Variants in GRM5 observed in about 807,000 individuals in gnomAD.
The protein encoded by GRM5 is metabotropic glutamate receptor 5.
GRM5 carries 19 observed loss-of-function variants against 83.1 expected under a neutral mutation model. That is an observed-to-expected ratio of 0.23 (90% CI 0.16 to 0.34). The LOEUF (loss-of-function observed/expected upper bound fraction) is 0.34. Ranked by LOEUF, GRM5 falls within the 10% of genes least tolerant of loss-of-function variation. GRM5 has a pLI of 1.00. For missense variants in GRM5, 1,160 were observed against 1,588.3 expected, an observed-to-expected ratio of 0.73 and a Z score of 4.58; for synonymous variants, 675 against 633.6, an observed-to-expected ratio of 1.07 and a Z score of -0.98.
intron 3 of GRM5, among the ~76,000 whole-genome samples, chr11:88,804,332 T>C (rs1943458854): frequency 6.8e-6 from 1 of 148,094 alleles, no homozygotes; most frequent in Non-Finnish European, 1.5e-5. Flanking sequence ...GTGGCACATA[T>C]ACACCATGGA....
intron 6 of GRM5, among the ~76,000 whole-genome samples, chr11:88,592,113 G>T (rs574097363): frequency 9.8e-5 from 15 of 152,316 alleles, no homozygotes; most frequent in Non-Finnish European, 1.8e-4. Flanking sequence ...GAAAGACGCA[G>T]GGGAAAGAGC....
intron 2 of GRM5, among the ~76,000 whole-genome samples, chr11:88,925,287 G>C (rs962286984): frequency 7.9e-5 from 12 of 151,656 alleles, no homozygotes; most frequent in Non-Finnish European, 2.9e-5. Flanking sequence ...TTTCAGAGTT[G>C]AGGAAAAGAT....
chr11:88,572,456 A>T (rs1470810544), intron 7 of GRM5, among the ~76,000 whole-genome samples: 8 of 152,158 alleles, frequency 5.3e-5, no homozygotes, highest in Admixed American at 5.2e-4. Context: ...ATTCTTACCC[A>T]AATAGCTTGC....
At chr11:88,617,689 C>G (rs1027138680) in intron 4 of GRM5, among the ~76,000 whole-genome samples, 2 of 152,094 alleles carry the variant, frequency 1.3e-5, no homozygotes, top group Non-Finnish European at 2.9e-5. Flanking sequence ...GGATGGAAAC[C>G]CTTCTCTGTG....
At chr11:88,540,957 A>C (rs1591334311) in intron 8 of GRM5, among the ~76,000 whole-genome samples, 1 of 151,824 alleles carries the variant, frequency 6.6e-6, no homozygotes, top group South Asian at 2.1e-4. Flanking sequence ...TCACCATGTT[A>C]GCCAGGATGG....
intron 3 of GRM5, among the ~76,000 whole-genome samples, chr11:88,715,469 G>A (rs148177467): frequency 4.6e-5 from 7 of 151,924 alleles, no homozygotes; most frequent in East Asian, 3.9e-4. Context: ...TAAGGTGGAT[G>A]TTACTGATTT....
At chr11:88,804,977 TAAAG>T (rs1006248459) in intron 3 of GRM5, among the ~76,000 whole-genome samples, 1 of 152,132 alleles carries the variant, frequency 6.6e-6, no homozygotes, top group East Asian at 1.9e-4. Flanking sequence ...ATTAAAAAAC[TAAAG>T]AAAGAGAAGT....
intron 3 of GRM5, among the ~76,000 whole-genome samples, chr11:88,663,898 C>T (rs780888596): frequency 6.6e-6 from 1 of 152,140 alleles, no homozygotes; most frequent in African/African-American, 2.4e-5. Context: ...AAGAGGATAT[C>T]AATGAATATA....
At chr11:88,822,791 C>T (rs894874166) in intron 3 of GRM5, among the ~76,000 whole-genome samples, 2 of 151,824 alleles carry the variant, frequency 1.3e-5, no homozygotes, top group African/African-American at 2.4e-5. Context: ...TTCTCTCTCT[C>T]CTTCCCTCCC....
chr11:88,964,843 C>T (rs1460305435), intron 2 of GRM5, among the ~76,000 whole-genome samples: 2 of 152,022 alleles, frequency 1.3e-5, no homozygotes, highest in South Asian at 2.1e-4. Flanking sequence ...AGAATTATAT[C>T]GAATTATTTA....
chr11:88,926,146 C>T (rs1220072231), intron 2 of GRM5, among the ~76,000 whole-genome samples: 2 of 152,234 alleles, frequency 1.3e-5, no homozygotes, highest in South Asian at 2.1e-4. Context: ...TCCCTAAACT[C>T]TCAATGAATA....
intron 2 of GRM5, among the ~76,000 whole-genome samples, chr11:88,986,487 T>A (rs934251857): frequency 6.6e-6 from 1 of 152,164 alleles, no homozygotes; most frequent in African/African-American, 2.4e-5. Context: ...ATATTTTCTT[T>A]GGAAAGAAGT....
intron 4 of GRM5, among the ~76,000 whole-genome samples, chr11:88,630,924 G>A (rs564937349): frequency 2.0e-5 from 3 of 152,206 alleles, no homozygotes; most frequent in African/African-American, 7.2e-5. Context: ...ATTTCTTAGT[G>A]ACCATATCTT....
intron 3 of GRM5, among the ~76,000 whole-genome samples, chr11:88,737,150 A>G (rs75174260): frequency 0.016 from 2,432 of 152,210 alleles, 55 homozygotes; most frequent in East Asian, 0.087. Flanking sequence ...AAAAGATTTC[A>G]TGTCTTCAAT....
chr11:89,013,911 C>T (rs1287893426), intron 2 of GRM5, among the ~76,000 whole-genome samples: 1 of 152,130 alleles, frequency 6.6e-6, no homozygotes, highest in East Asian at 1.9e-4. Flanking sequence ...GATTAGGTAA[C>T]ACTTATTCAT....
chr11:88,519,537 A>G (rs1472051051), intron 9 of GRM5, among the ~76,000 whole-genome samples: 1 of 152,146 alleles, frequency 6.6e-6, no homozygotes, highest in Non-Finnish European at 1.5e-5. Context: ...TTAAGTGAGC[A>G]ATCATGCAGA....
chr11:89,005,637 C>T (rs1349996579), intron 2 of GRM5, among the ~76,000 whole-genome samples: 10 of 152,012 alleles, frequency 6.6e-5, no homozygotes, highest in South Asian at 2.1e-4. Flanking sequence ...AGAGATTCTG[C>T]GAGTATTAAA....
intron 9 of GRM5, among the ~76,000 whole-genome samples, chr11:88,519,824 T>G (rs1234593470): frequency 1.3e-5 from 2 of 152,212 alleles, no homozygotes; most frequent in Non-Finnish European, 2.9e-5. Context: ...GAGCACATGC[T>G]AAAATTTATT....
intron 3 of GRM5, 84 bp downstream of exon 3, chr11:88,849,822 T>G (rs1944358752): frequency 7.6e-7 from 1 of 1,311,504 alleles, no homozygotes. Flanking sequence ...TTGAAAGAAT[T>G]TTTTATCATA....
Sources: allele counts gnomAD v4.1 joint callset (sites outside exome capture counted in the v4.1 genomes callset), GRCh38; gene constraint gnomAD v4.1.1; transcripts MANE v1.5; gene names NCBI Gene and HGNC (gene_info 2026-07-23, HGNC 2026-07-21).